ELOVL6: variants seen among roughly 807,000 people sequenced by gnomAD.
ELOVL6 encodes the protein very long chain fatty acid elongase 6.
Under a neutral mutation model 31.7 loss-of-function variants are expected in ELOVL6, and 8 were observed. The observed-to-expected ratio is 0.25, with a 90% CI of 0.15 to 0.45. The LOEUF (loss-of-function observed/expected upper bound fraction) is 0.45. ELOVL6 is among the 20% of genes least tolerant of loss of function. ELOVL6 has a pLI of 1.00. For synonymous variants in ELOVL6, 101 were observed against 117.7 expected, an observed-to-expected ratio of 0.86 and a Z score of 0.92; for missense variants, 126 against 326.4, an observed-to-expected ratio of 0.39 and a Z score of 4.73.
chr4:110,109,724 G>A (rs1756977757), intron 1 of ELOVL6, among the ~76,000 whole-genome samples: 1 of 152,156 alleles, frequency 6.6e-6, no homozygotes, highest in Non-Finnish European at 1.5e-5. Flanking sequence ...CTTAGCTTGA[G>A]TCTCGTTAGC....
chr4:110,141,807 C>T (rs1757967787), intron 1 of ELOVL6, among the ~76,000 whole-genome samples: 1 of 137,098 alleles, frequency 7.3e-6, no homozygotes. Context: ...ATACAATGTA[C>T]TAATACAATA....
intron 2 of ELOVL6, among the ~76,000 whole-genome samples, chr4:110,090,820 G>T (rs1431429982): frequency 2.0e-5 from 3 of 151,882 alleles, no homozygotes; most frequent in Non-Finnish European, 4.4e-5. Flanking sequence ...GGCCAGGATG[G>T]TCTCAATCTC....
rs973435945 is a variant in ELOVL6 at position 110,170,039 on chromosome 4, G to A, written c.89+28208C>T. On this transcript the variant is annotated intron_variant, in intron 1 of 3. Coordinates refer to ENST00000302274, the MANE Select transcript of ELOVL6 (RefSeq NM_024090.3). Reference sequence around the variant, plus strand: ...CATGTTGGCCAGACTGGCCTCGAACGCCTAACCTCAGGTGATCCACCCACT... The same window carrying A: ...CATGTTGGCCAGACTGGCCTCGAACACCTAACCTCAGGTGATCCACCCACT... Among the ~76,000 whole-genome samples, 5 of 150,616 alleles carry A rather than the reference G, an allele frequency of 3.3e-5. No homozygotes were observed. In the South Asian group the frequency reaches 8.4e-4, roughly 25 times the overall value.
At chr4:110,154,188 C>T (rs1446105251) in intron 1 of ELOVL6, among the ~76,000 whole-genome samples, 3 of 152,078 alleles carry the variant, frequency 2.0e-5, no homozygotes, top group East Asian at 1.9e-4. Flanking sequence ...GTGATCCTCC[C>T]ACCTCAGCCT....
intron 1 of ELOVL6, among the ~76,000 whole-genome samples, chr4:110,110,779 G>A (rs980823820): frequency 6.6e-6 from 1 of 152,062 alleles, no homozygotes; most frequent in Non-Finnish European, 1.5e-5. Context: ...AAATATGCCC[G>A]TAATTGATAC....
At chr4:110,129,374 A>G (rs1323070787) in intron 1 of ELOVL6, among the ~76,000 whole-genome samples, 1 of 152,194 alleles carries the variant, frequency 6.6e-6, no homozygotes, top group Non-Finnish European at 1.5e-5. Context: ...ACACCAGGAT[A>G]GATGTTATAG....
intron 2 of ELOVL6, among the ~76,000 whole-genome samples, chr4:110,084,556 A>ATATT (rs1208053354): frequency 2.4e-4 from 16 of 67,520 alleles, no homozygotes; most frequent in African/African-American, 1.5e-3. Flanking sequence ...ACACACACAC[A>ATATT]CACACAGATA....
intron 2 of ELOVL6, among the ~76,000 whole-genome samples, chr4:110,086,301 C>T (rs1440353926): frequency 6.6e-6 from 1 of 152,148 alleles, no homozygotes; most frequent in African/African-American, 2.4e-5. Flanking sequence ...TCACTTCTTT[C>T]ATCCCAAAAT....
At chr4:110,105,770 A>T (rs1263730207) in intron 1 of ELOVL6, 142 bp from the exon 2 acceptor site, 2 of 716,930 alleles carry the variant, frequency 2.8e-6, no homozygotes, top group East Asian at 5.7e-5. Flanking sequence ...TCTAGTCTAC[A>T]CGGCAAACTA....
At chr4:110,060,352 T>G (rs1231774904) in intron 2 of ELOVL6, among the ~76,000 whole-genome samples, 4 of 152,068 alleles carry the variant, frequency 2.6e-5, no homozygotes, top group Non-Finnish European at 5.9e-5. Context: ...CTCTGTCACC[T>G]CCTCCAGGAA....
chr4:110,118,716 A>G (rs1757258848), intron 1 of ELOVL6, among the ~76,000 whole-genome samples: 2 of 152,240 alleles, frequency 1.3e-5, no homozygotes, highest in African/African-American at 4.8e-5. Context: ...GGATACTCCC[A>G]TATTCAAAGT....
intron 1 of ELOVL6, among the ~76,000 whole-genome samples, chr4:110,113,852 A>T (rs967248145): frequency 7.2e-5 from 11 of 152,220 alleles, no homozygotes; most frequent in African/African-American, 2.7e-4. Context: ...CAGCAATTCA[A>T]TTTCATTGCA....
At chr4:110,081,826 A>T (rs1755863433) in intron 2 of ELOVL6, among the ~76,000 whole-genome samples, 1 of 146,800 alleles carries the variant, frequency 6.8e-6, no homozygotes, top group Non-Finnish European at 1.5e-5. Flanking sequence ...ATGGGAGAAA[A>T]TTTTTGCAAT....
chr4:110,067,996 TCTC>T (rs1399014390), intron 2 of ELOVL6, among the ~76,000 whole-genome samples: 39 of 152,264 alleles, frequency 2.6e-4, no homozygotes, highest in African/African-American at 9.1e-4. Context: ...TTCACAGAGC[TCTC>T]CTCTGAGATC....
At chr4:110,196,827 G>A (rs1309559455) in intron 1 of ELOVL6, among the ~76,000 whole-genome samples, 1 of 152,122 alleles carries the variant, frequency 6.6e-6, no homozygotes, top group East Asian at 1.9e-4. Context: ...CGCCGCAAAT[G>A]GCCATTGGGG....
At chr4:110,123,998 C>A (rs562165666) in intron 1 of ELOVL6, among the ~76,000 whole-genome samples, 2 of 152,198 alleles carry the variant, frequency 1.3e-5, no homozygotes, top group East Asian at 1.9e-4. Context: ...ATCTTAGTTA[C>A]CAAGAAATCC....
intron 1 of ELOVL6, among the ~76,000 whole-genome samples, chr4:110,186,451 C>G (rs1384101708): frequency 1.3e-5 from 2 of 151,996 alleles, no homozygotes; most frequent in Non-Finnish European, 2.9e-5. Flanking sequence ...ATCAGACTCT[C>G]TACATTCTGA....
intron 1 of ELOVL6, among the ~76,000 whole-genome samples, chr4:110,171,073 T>C (rs185878864): frequency 4.6e-5 from 7 of 152,254 alleles, no homozygotes; most frequent in South Asian, 2.1e-4. Flanking sequence ...CCAAGAAGAA[T>C]CTGAACAGAC....
At chr4:110,161,067 T>C (rs1374383020) in intron 1 of ELOVL6, among the ~76,000 whole-genome samples, 2 of 152,134 alleles carry the variant, frequency 1.3e-5, no homozygotes, top group Admixed American at 1.3e-4. Context: ...AGGTATAATA[T>C]ACAACCATTA....
Sources: allele counts gnomAD v4.1 joint callset (sites outside exome capture counted in the v4.1 genomes callset), GRCh38; gene constraint gnomAD v4.1.1; transcripts MANE v1.5; gene names NCBI Gene and HGNC (gene_info 2026-07-23, HGNC 2026-07-21).